Variants in AGBL4 observed in about 807,000 individuals in gnomAD.
The protein encoded by AGBL4 is AGBL carboxypeptidase 4.
Under a neutral mutation model 66.4 loss-of-function variants are expected in AGBL4, and 58 were observed. That is an observed-to-expected ratio of 0.87 (90% confidence interval 0.71 to 1.09). The LOEUF (loss-of-function observed/expected upper bound fraction) is 1.09, where lower values mean the gene tolerates loss of function less well. Among genes scored for constraint, AGBL4 ranks in the 50% least tolerant of loss-of-function variants. The pLI is 0.00. For missense variants in AGBL4, 579 were observed against 631.0 expected (o/e 0.92, Z 0.88); for synonymous variants, 234 against 222.9 (o/e 1.05, Z -0.44).
intron 6 of AGBL4, among the ~76,000 whole-genome samples, chr1:48,705,396 C>T (rs1459334446): frequency 6.6e-6 from 1 of 152,184 alleles, no homozygotes; most frequent in African/African-American, 2.4e-5. Flanking sequence ...TTATGTGCAA[C>T]TTACAAGAGA....
intron 2 of AGBL4, among the ~76,000 whole-genome samples, chr1:49,762,414 CTTTTT>C (rs759348883): frequency 7.2e-6 from 1 of 139,298 alleles, no homozygotes. Context: ...CAATTTTCTT[CTTTTT>C]TTTTTTTTTT....
intron 2 of AGBL4, among the ~76,000 whole-genome samples, chr1:49,794,606 CAT>C (rs937099846): frequency 6.6e-6 from 1 of 151,914 alleles, no homozygotes; most frequent in Non-Finnish European, 1.5e-5. Flanking sequence ...AATTTTTACA[CAT>C]CTCTGTTATA....
chr1:49,935,763 T>A lies in AGBL4; in HGVS notation c.35-84245A>T, dbSNP rs539506147. 1.4e-3 allele frequency among the ~76,000 whole-genome samples: 206 copies of A among 152,272 alleles called. 1 individual carries two copies. Among genetic ancestry groups the A allele is most frequent in the African/African-American group, 4.8e-3 (200 of 41,552 alleles). The stretch of plus-strand genomic sequence containing the variant: ...GACCTCTAGCAAACTCCAACAGACC[T>A]GCAGCTGAGGGTCCTGTCTGTTAGA... On this transcript the variant is annotated intron_variant, in intron 1 of 13. Coordinates refer to ENST00000371839, the MANE Select transcript of AGBL4 (RefSeq NM_032785.4).
intron 6 of AGBL4, among the ~76,000 whole-genome samples, chr1:48,709,111 G>A (rs1646923615): frequency 6.6e-6 from 1 of 152,176 alleles, no homozygotes; most frequent in African/African-American, 2.4e-5. Flanking sequence ...CTTGGATAAG[G>A]TTCCCCTCCA....
rs544336977 is a variant in AGBL4 at position 48,640,852 on chromosome 1, C to G, written c.840-6248G>C. Among the ~76,000 whole-genome samples the G allele has an allele frequency of 4.6e-5, 7 of 152,286 alleles. No individual in the cohort carries two copies. In the East Asian group the frequency reaches 9.6e-4, roughly 21 times the overall value. ...TGTTATACAAATGCCAAATAAATAGCCCCATCTCATGAAGGACATCATGCC... is the reference window on the plus strand; with the variant it reads ...TGTTATACAAATGCCAAATAAATAGGCCCATCTCATGAAGGACATCATGCC... On this transcript the variant is annotated intron_variant, in intron 8 of 13. Transcript: ENST00000371839.
chr1:49,394,314 T>C (rs1644910779), intron 3 of AGBL4, among the ~76,000 whole-genome samples: 1 of 151,914 alleles, frequency 6.6e-6, no homozygotes, highest in Non-Finnish European at 1.5e-5. Context: ...ATGTTGAATT[T>C]ATTCTATAAA....
intron 3 of AGBL4, among the ~76,000 whole-genome samples, chr1:49,346,613 G>T (rs776214500): frequency 1.3e-5 from 2 of 152,130 alleles, no homozygotes; most frequent in African/African-American, 2.4e-5. Context: ...CTTTTGTTGG[G>T]ATTCAAAGTT....
chr1:49,794,259 T>C (rs1557453110), intron 2 of AGBL4, among the ~76,000 whole-genome samples: 1 of 151,920 alleles, frequency 6.6e-6, no homozygotes, highest in Non-Finnish European at 1.5e-5. Flanking sequence ...CAATTTAATG[T>C]ACAGAATACT....
At chr1:48,988,624 A>C (rs1660365245) in intron 5 of AGBL4, among the ~76,000 whole-genome samples, 1 of 152,172 alleles carries the variant, frequency 6.6e-6, no homozygotes, top group Non-Finnish European at 1.5e-5. Flanking sequence ...GTTGGTCAAT[A>C]CTGAGAGCCT....
At chr1:50,016,447 A>G (rs1046264986) in intron 1 of AGBL4, among the ~76,000 whole-genome samples, 12 of 152,164 alleles carry the variant, frequency 7.9e-5, no homozygotes, top group African/African-American at 2.9e-4. Flanking sequence ...TTGTAATCCC[A>G]GCTACTCAGG....
chr1:49,514,212 TC>T (rs1231046304), intron 3 of AGBL4, among the ~76,000 whole-genome samples: 3 of 151,936 alleles, frequency 2.0e-5, no homozygotes, highest in Non-Finnish European at 4.4e-5. Context: ...ACCCTTTATT[TC>T]CTTCTCCTGC....
intron 9 of AGBL4, among the ~76,000 whole-genome samples, chr1:48,615,600 T>A (rs1645305617): frequency 1.3e-5 from 2 of 152,168 alleles, no homozygotes; most frequent in Admixed American, 1.3e-4. Flanking sequence ...GGTAAGAAAA[T>A]GAACCCAGAA....
chr1:49,913,422 C>A (rs1447390943), intron 1 of AGBL4, among the ~76,000 whole-genome samples: 1 of 152,260 alleles, frequency 6.6e-6, no homozygotes, highest in African/African-American at 2.4e-5. Context: ...TGACTACATG[C>A]CCCACATCCA....
intron 5 of AGBL4, among the ~76,000 whole-genome samples, chr1:48,987,437 T>C (rs754226573): frequency 6.6e-6 from 1 of 152,062 alleles, no homozygotes; most frequent in African/African-American, 2.4e-5. Flanking sequence ...AATTTCATAA[T>C]AATAAAGGGG....
chr1:48,985,934 A>G (rs928051758), intron 5 of AGBL4, among the ~76,000 whole-genome samples: 3 of 152,180 alleles, frequency 2.0e-5, no homozygotes, highest in Non-Finnish European at 4.4e-5. Flanking sequence ...GCTGTATTCC[A>G]TATGTTCCAA....
At chr1:48,813,522 C>T (rs1646105179) in intron 6 of AGBL4, among the ~76,000 whole-genome samples, 1 of 152,150 alleles carries the variant, frequency 6.6e-6, no homozygotes, top group African/African-American at 2.4e-5. Context: ...AGGAGGCTGA[C>T]CTCATCTAAA....
At position 48,707,699 on chromosome 1, in the gene AGBL4, A is replaced by G. The variant is rs568135083; in HGVS notation, c.635-44458T>C. 3.9e-5 allele frequency among the ~76,000 whole-genome samples: 6 copies of G among 152,322 alleles called. No individual in the cohort carries two copies. The South Asian group carries it at 1.2e-3, about 32-fold the overall frequency. ...TGGGCTGGGAATTGGGTGTTTCTCTACAGCGGCTGATGGGAACTGCCAATG... is the reference window on the plus strand; with the variant it reads ...TGGGCTGGGAATTGGGTGTTTCTCTGCAGCGGCTGATGGGAACTGCCAATG... On this transcript the variant is annotated intron_variant, in intron 6 of 13. Coordinates refer to ENST00000371839, the MANE Select transcript of AGBL4 (RefSeq NM_032785.4).
intron 3 of AGBL4, among the ~76,000 whole-genome samples, chr1:49,465,197 C>T (rs2148704545): frequency 6.9e-6 from 1 of 144,048 alleles, no homozygotes; most frequent in East Asian, 2.0e-4. Flanking sequence ...GTATTCCCTA[C>T]CCTACCCCTA....
chr1:49,647,854 CAA>C (rs773155990), intron 3 of AGBL4, among the ~76,000 whole-genome samples: 21 of 98,914 alleles, frequency 2.1e-4, no homozygotes, highest in Admixed American at 3.2e-4. Flanking sequence ...TGGACTGACC[CAA>C]AAAAAAAAAA....
Sources: allele counts gnomAD v4.1 joint callset (sites outside exome capture counted in the v4.1 genomes callset), GRCh38; gene constraint gnomAD v4.1.1; transcripts MANE v1.5; gene names NCBI Gene and HGNC (gene_info 2026-07-23, HGNC 2026-07-21).